The following CHODL variants were observed in gnomAD, a reference collection of about 807,000 sequenced individuals.
CHODL encodes the protein chondrolectin, also known as transmembrane protein MT75.
CHODL carries 29 observed loss-of-function variants against 34.5 expected under a neutral mutation model. That is an observed-to-expected ratio of 0.84 (90% CI 0.63 to 1.15). The LOEUF is 1.15. CHODL is among the 50% of genes most tolerant of loss of function. The probability of loss-of-function intolerance (pLI) is 0.00; values close to 1 mark genes in which losing one functional copy is unlikely to be tolerated. For synonymous variants in CHODL, 125 were observed against 116.1 expected (o/e 1.08, Z -0.49); for missense variants, 332 against 332.5 (o/e 1.00, Z 0.01).
intron 2 of CHODL, among the ~76,000 whole-genome samples, chr21:18,161,215 G>C (rs1296987210): frequency 6.6e-6 from 1 of 152,094 alleles, no homozygotes; most frequent in Admixed American, 6.6e-5. Context: ...GTTCCTTATA[G>C]ATGTAAAGGC....
intron 2 of CHODL, among the ~76,000 whole-genome samples, chr21:18,144,003 C>T (rs2072834390): frequency 6.6e-6 from 1 of 151,998 alleles, no homozygotes; most frequent in African/African-American, 2.4e-5. Flanking sequence ...CCAACATTTT[C>T]AGAACTTGCA....
At chr21:18,199,592 A>T (rs777604753) in intron 2 of CHODL, among the ~76,000 whole-genome samples, 1 of 152,072 alleles carries the variant, frequency 6.6e-6, no homozygotes, top group Non-Finnish European at 1.5e-5. Flanking sequence ...TACCTAAAAA[A>T]TCCCCTTTGT....
At chr21:18,040,798 A>G (rs747660626) in intron 2 of CHODL, among the ~76,000 whole-genome samples, 7 of 151,182 alleles carry the variant, frequency 4.6e-5, no homozygotes, top group Admixed American at 6.7e-5. Context: ...TCTTTTGTCT[A>G]CTCGCAGGTG....
intron 2 of CHODL, among the ~76,000 whole-genome samples, chr21:18,086,920 G>A (rs145966189): frequency 5.7e-4 from 87 of 152,340 alleles, no homozygotes; most frequent in Middle Eastern, 3.4e-3. Context: ...CTGGTGTCAT[G>A]CAGGTGATTG....
chr21:18,230,096 G>A lies in CHODL; in HGVS notation c.-44-26413G>A, dbSNP rs142794493. ...AAGTAGGTTGTAGTTGTGGAACTCAGGGGAAAAAAGTTTCTGTACTTACCC... is the reference window on the plus strand; with the variant it reads ...AAGTAGGTTGTAGTTGTGGAACTCAAGGGAAAAAAGTTTCTGTACTTACCC... On this transcript the variant is annotated intron_variant, in intron 2 of 6. Coordinates refer to the CHODL transcript ENST00000400127. 2.8e-3 allele frequency among the ~76,000 whole-genome samples: 424 copies of A among 152,184 alleles called. 4 individuals are homozygous for A. The highest frequency in any genetic ancestry group is 0.017 in the Middle Eastern group (5 of 294).
At chr21:17,969,098 A>G (rs117792562) in intron 1 of CHODL, among the ~76,000 whole-genome samples, 66 of 152,332 alleles carry the variant, frequency 4.3e-4, no homozygotes, top group Non-Finnish European at 6.0e-4. Context: ...AATTCTTCCA[A>G]TTTATTAGTT....
At chr21:18,075,236 T>G (rs2064850476) in intron 2 of CHODL, among the ~76,000 whole-genome samples, 2 of 152,176 alleles carry the variant, frequency 1.3e-5, no homozygotes, top group Non-Finnish European at 2.9e-5. Flanking sequence ...ATGGAACTTC[T>G]GAGAAAATGG....
chr21:18,179,131 G>A (rs543550907), intron 2 of CHODL, among the ~76,000 whole-genome samples: 1 of 152,190 alleles, frequency 6.6e-6, no homozygotes, highest in East Asian at 1.9e-4. Context: ...AGAAACTTGA[G>A]GCCTCAAGTT....
At chr21:17,997,997 C>G (rs2063867938) in intron 1 of CHODL, among the ~76,000 whole-genome samples, 1 of 152,178 alleles carries the variant, frequency 6.6e-6, no homozygotes, top group African/African-American at 2.4e-5. Context: ...CTTAAAAGTC[C>G]ACAGTCCAAA....
At chr21:18,008,739 C>T (rs2063983673) in intron 1 of CHODL, among the ~76,000 whole-genome samples, 1 of 152,044 alleles carries the variant, frequency 6.6e-6, no homozygotes, top group Admixed American at 6.5e-5. Flanking sequence ...TTGTAATTTC[C>T]CTTGTGTAAA....
chr21:18,214,749 T>C (rs2073807168), intron 2 of CHODL, among the ~76,000 whole-genome samples: 1 of 152,156 alleles, frequency 6.6e-6, no homozygotes, highest in African/African-American at 2.4e-5. Context: ...AAGAGTCTTA[T>C]CAGGGCCAAC....
chr21:18,266,407 T>G lies in CHODL; in HGVS notation c.*369T>G, dbSNP rs2074462937. Reference sequence around the variant, plus strand: ...GTTATCTAGTCAATGTAATGTATATTGTATTGAAATTTACAGTGTGCAAAA... The same window carrying G: ...GTTATCTAGTCAATGTAATGTATATGGTATTGAAATTTACAGTGTGCAAAA... On this transcript the variant is annotated 3_prime_UTR_variant, in exon 6 of 6. Transcript: ENST00000299295. 2.8e-6 allele frequency: 1 copy of G among 351,520 alleles called. No individual in the cohort carries two copies. Among genetic ancestry groups the G allele is most frequent in the African/African-American group, 2.1e-5 (1 of 47,490 alleles). 21.8% of individuals were successfully genotyped at this position (351,520 alleles called of 1,614,324 possible). A position where few individuals can be genotyped will look rare whatever the true frequency, so the allele number is the denominator to read the frequency against.
At chr21:18,070,123 T>C (rs2064785282) in intron 2 of CHODL, among the ~76,000 whole-genome samples, 1 of 149,962 alleles carries the variant, frequency 6.7e-6, no homozygotes, top group African/African-American at 2.5e-5. Flanking sequence ...GGGCTACAAA[T>C]TGGGTATACT....
intron 1 of CHODL, among the ~76,000 whole-genome samples, chr21:17,927,108 GTATA>G (rs1394983301): frequency 5.3e-5 from 7 of 131,774 alleles, no homozygotes; most frequent in Admixed American, 1.5e-4. Context: ...CTGTGTGTAT[GTATA>G]TATGTATATA....
intron 1 of CHODL, among the ~76,000 whole-genome samples, chr21:18,250,978 A>G (rs1256550095): frequency 6.6e-6 from 1 of 151,596 alleles, no homozygotes; most frequent in Non-Finnish European, 1.5e-5. Flanking sequence ...ATATATAATT[A>G]TAGCGTGAGA....
rs1555860424 is a variant in CHODL, at chr21:18,070,025, T to TTCCCTTCCCTTCC, written c.-45+42054_-45+42055insTCCCTTCCCTTCC. Among the ~76,000 whole-genome samples, 213 of 29,108 alleles carry TTCCCTTCCCTTCC rather than the reference T, an allele frequency of 7.3e-3. 3 individuals carry two copies. The highest frequency in any genetic ancestry group is 0.016 in the Non-Finnish European group (159 of 9,888). 19.1% of individuals were successfully genotyped at this position (29,108 alleles called of 152,430 possible). A position where few individuals can be genotyped will look rare whatever the true frequency, so the allele number is the denominator to read the frequency against. On this transcript the variant is annotated intron_variant, in intron 2 of 6. Transcript: ENST00000400127. ...TTCCCTTCCCTTCCCTTCCCTTCCCTCCCCCCCCCCACCCATTTCCTTTGC... is the reference window on the plus strand; with the variant it reads ...TTCCCTTCCCTTCCCTTCCCTTCCCTTCCCTTCCCTTCCCCCCCCCCCCACCCATTTCCTTTGC...
At chr21:18,079,768 C>T (rs535527926) in intron 2 of CHODL, among the ~76,000 whole-genome samples, 1 of 75,114 alleles carries the variant, frequency 1.3e-5, no homozygotes, top group South Asian at 3.2e-4. Context: ...GTATGCTTAT[C>T]ACAGTACTAT....
At chr21:17,962,455 A>C (rs931075159) in intron 1 of CHODL, among the ~76,000 whole-genome samples, 16 of 152,112 alleles carry the variant, frequency 1.1e-4, no homozygotes, top group African/African-American at 3.9e-4. Flanking sequence ...TCTGAAACAG[A>C]TTCTCTTGAG....
At chr21:18,117,792 T>A (rs1474962413) in intron 2 of CHODL, among the ~76,000 whole-genome samples, 1 of 152,070 alleles carries the variant, frequency 6.6e-6, no homozygotes, top group Non-Finnish European at 1.5e-5. Flanking sequence ...TATTTTAAAA[T>A]TGAATTGAAT....
Sources: gnomAD v4.1 joint callset for allele counts (sites outside exome capture counted in the v4.1 genomes callset) on GRCh38, gnomAD v4.1.1 for gene constraint, MANE v1.5 for transcripts, NCBI Gene and HGNC (gene_info 2026-07-23, HGNC 2026-07-21) for gene names.